PCDHGA4: variants seen among roughly 807,000 people sequenced by gnomAD.
PCDHGA4 encodes the protein protocadherin gamma-A4.
PCDHGA4 carries 38 observed loss-of-function variants against 54.6 expected under a neutral mutation model. That is an observed-to-expected ratio of 0.70 (90% CI 0.54 to 0.91). The LOEUF is 0.91. PCDHGA4 is among the 40% of genes least tolerant of loss of function. The pLI is 0.00. For missense variants in PCDHGA4, 1,298 were observed against 1,220.9 expected (o/e 1.06, Z -0.94); for synonymous variants, 511 against 512.9 (o/e 1.00, Z 0.05).
intron 1 of PCDHGA4, among the ~76,000 whole-genome samples, chr5:141,359,061 T>C (rs913516585): frequency 2.0e-5 from 3 of 152,238 alleles, no homozygotes; most frequent in Non-Finnish European, 4.4e-5. Flanking sequence ...ATGCCTCAAT[T>C]TGACTTACAA....
At chr5:141,409,690 A>G in intron 1 of PCDHGA4, 1 of 1,613,354 alleles carries the variant, frequency 6.2e-7, no homozygotes. Flanking sequence ...CGAGTGACCT[A>G]GAGCCCCTGG....
At chr5:141,508,570 C>T (rs1164806696) in intron 3 of PCDHGA4, among the ~76,000 whole-genome samples, 21 of 152,198 alleles carry the variant, frequency 1.4e-4, no homozygotes. Context: ...GTCACTTGCA[C>T]CCACTCGGGG....
chr5:141,484,266 T>G (rs2099593967), intron 1 of PCDHGA4, among the ~76,000 whole-genome samples: 1 of 152,220 alleles, frequency 6.6e-6, no homozygotes, highest in Non-Finnish European at 1.5e-5. Flanking sequence ...ACACTGATTC[T>G]TTACTGTTTT....
chr5:141,400,445 A>G (rs779145110), intron 1 of PCDHGA4: 1 of 1,614,084 alleles, frequency 6.2e-7, no homozygotes, highest in Non-Finnish European at 8.5e-7. Flanking sequence ...AGTTCAGGAC[A>G]AGACATACTT....
At chr5:141,426,963 C>G (rs1008659501) in intron 1 of PCDHGA4, 1 of 456,646 alleles carries the variant, frequency 2.2e-6, no homozygotes, top group African/African-American at 2.0e-5. Flanking sequence ...TGCTGCAATT[C>G]AAATTGAGGT....
At chr5:141,358,540 G>T (rs191289773) in intron 1 of PCDHGA4, among the ~76,000 whole-genome samples, 576 of 152,270 alleles carry the variant, frequency 3.8e-3, no homozygotes, top group Non-Finnish European at 5.7e-3. Flanking sequence ...ATATTTTCTT[G>T]TTGCTGTTCT....
intron 1 of PCDHGA4, chr5:141,389,469 A>G: frequency 6.2e-7 from 1 of 1,613,246 alleles, no homozygotes; most frequent in Non-Finnish European, 8.5e-7. Flanking sequence ...CTTCGAACTC[A>G]CACTGCAGGC....
chr5:141,431,932 C>T lies in PCDHGA4; in HGVS notation c.2515-62875C>T. 2 of 1,614,172 alleles carry T rather than the reference C, an allele frequency of 1.2e-6. No individual in the cohort carries two copies. The highest frequency in any genetic ancestry group is 1.7e-6 in the Non-Finnish European group (2 of 1,180,002). On this transcript the variant is annotated intron_variant, in intron 1 of 3. Coordinates refer to ENST00000571252, the MANE Select transcript of PCDHGA4 (RefSeq NM_018917.4). This position sits in a 1 kb window ranked among gnomAD's most constrained non-coding sequence, Gnocchi z 4.8. The stretch of plus-strand genomic sequence containing the variant: ...TCTGTTTCATCCAAGGAAATCTGCC[C>T]TTTAAATTAGAAAAATCTTACGGAA...
chr5:141,472,623 TAA>T (rs2099291037), intron 1 of PCDHGA4, among the ~76,000 whole-genome samples: 1 of 152,018 alleles, frequency 6.6e-6, no homozygotes, highest in Non-Finnish European at 1.5e-5. Context: ...AGAAAAAAGA[TAA>T]AGACTGGGAA....
rs111842066 is a variant in PCDHGA4, at chr5:141,486,269, G to A, written c.2515-8538G>A. 6.2e-7 allele frequency: 1 copy of A among 1,613,996 alleles called. No homozygotes were observed. Reference sequence around the variant, plus strand: ...AACCCTCCCCGAGAGTGCAGAACCTGGCACTGTGGTGGCACTTATCAGTGT... The same window carrying A: ...AACCCTCCCCGAGAGTGCAGAACCTAGCACTGTGGTGGCACTTATCAGTGT... On this transcript the variant is annotated intron_variant, in intron 1 of 3. Transcript: ENST00000571252. This position sits in a 1 kb window ranked among gnomAD's most constrained non-coding sequence, Gnocchi z 5.0.
intron 1 of PCDHGA4, chr5:141,360,866 A>T: frequency 6.2e-7 from 1 of 1,614,058 alleles, no homozygotes; most frequent in Non-Finnish European, 8.5e-7. Flanking sequence ...GTGTTCAGCC[A>T]GGACGTGTAC....
At chr5:141,492,659 T>C (rs2099742881) in intron 1 of PCDHGA4, among the ~76,000 whole-genome samples, 1 of 152,182 alleles carries the variant, frequency 6.6e-6, no homozygotes, top group Non-Finnish European at 1.5e-5. Context: ...GTCCGGATGG[T>C]CCCGGGACTC....
intron 1 of PCDHGA4, among the ~76,000 whole-genome samples, chr5:141,359,329 C>T (rs1425381791): frequency 6.6e-6 from 1 of 151,992 alleles, no homozygotes; most frequent in Middle Eastern, 3.4e-3. Context: ...GGAATATATT[C>T]CAGAATGAGA....
chr5:141,387,984 C>T (rs1470979893), intron 1 of PCDHGA4: 2 of 1,485,580 alleles, frequency 1.3e-6, no homozygotes. Flanking sequence ...TGAGCAGATC[C>T]GCTACAGGAT....
intron 1 of PCDHGA4, chr5:141,408,164 A>G (rs2095051548): frequency 6.6e-7 from 1 of 1,520,576 alleles, no homozygotes; most frequent in South Asian, 1.3e-5. Context: ...ACTTTCTCCA[A>G]CTGGAAAAGC....
chr5:141,356,479 C>G lies in PCDHGA4; in HGVS notation c.1372C>G (p.Gln458Glu). Residue 458 changes from glutamine (Q) to glutamate (E), a missense_variant, in exon 1 of 4, where the codon CAG becomes GAG. Transcript: ENST00000571252. ...EYNITVTATD[Q>E]GTPPLSTETH... ...TAACATCACTGTAACTGCCACTGAC[C>G]AGGGAACTCCTCCACTGTCTACAGA... 1 of 1,613,936 alleles carries G rather than the reference C, an allele frequency of 6.2e-7. No homozygotes were observed.
At chr5:141,409,047 G>T in intron 1 of PCDHGA4, 2 of 1,613,982 alleles carry the variant, frequency 1.2e-6, no homozygotes, top group Admixed American at 1.7e-5. Flanking sequence ...TACTACTTCC[G>T]AAGCACTGCC....
chr5:141,494,237 G>A (rs555725765), intron 1 of PCDHGA4, among the ~76,000 whole-genome samples: 3 of 152,312 alleles, frequency 2.0e-5, no homozygotes, highest in East Asian at 3.9e-4. Flanking sequence ...AATTAATAAT[G>A]TATTTAGCTG....
In PCDHGA4 at chr5:141,432,198, AC is replaced by A. The variant is rs1345236539; in HGVS notation, c.2515-62608del. ...GTCTCTGTGACCGCCCACGACCCCG[AC>A]TGTGAAGAGAACGCCCAGATCACTT... is the stretch of plus-strand genomic sequence containing the variant. On this transcript the variant is annotated intron_variant, in intron 1 of 3. Coordinates refer to ENST00000571252, the MANE Select transcript of PCDHGA4 (RefSeq NM_018917.4). This position sits in a 1 kb window ranked among gnomAD's most constrained non-coding sequence, Gnocchi z 6.0. 6 of 1,613,998 alleles carry A rather than the reference AC, an allele frequency of 3.7e-6. No homozygotes were observed. Among genetic ancestry groups the A allele is most frequent in the Non-Finnish European group, 4.2e-6 (5 of 1,180,030 alleles).
Sources: gnomAD v4.1 joint callset for allele counts (sites outside exome capture counted in the v4.1 genomes callset) on GRCh38, gnomAD v4.1.1 for gene constraint, Gnocchi (gnomAD v3.1) non-coding constraint, MANE v1.5 for transcripts, NCBI Gene and HGNC (gene_info 2026-07-23, HGNC 2026-07-21) for gene names.